Variants in DENND1B observed in about 807,000 individuals in gnomAD.
DENND1B encodes the protein DENN domain-containing protein 1B.
Under a neutral mutation model 90.1 loss-of-function variants are expected in DENND1B, and 59 were observed. The observed-to-expected ratio is 0.65, with a 90% confidence interval of 0.53 to 0.81. The LOEUF (loss-of-function observed/expected upper bound fraction) is 0.81. Ranked by LOEUF, DENND1B falls within the 40% of genes least tolerant of loss-of-function variation. The pLI is 0.00. For missense variants in DENND1B, 862 were observed against 912.6 expected (o/e 0.94, Z 0.71); for synonymous variants, 337 against 324.6 (o/e 1.04, Z -0.41).
chr1:197,739,848 C>T (rs1010846322), intron 2 of DENND1B, among the ~76,000 whole-genome samples: 14 of 152,146 alleles, frequency 9.2e-5, no homozygotes, highest in Non-Finnish European at 1.9e-4. Context: ...ATGATTTCAT[C>T]TTAATAAAAC....
Position 197,658,349 on chromosome 1 carries a change from A to C in DENND1B, c.317T>G (p.Val106Gly). ...AAGAGTATTTAGAAGCTTGTAATAC[A>C]CTTCAAACCAGGGAAGGTAACTGTA... Reference protein sequence around the residue: ...CILSYLPWFEVYYKLLNTLAD... With the variant: ...CILSYLPWFEGYYKLLNTLAD... The change falls in exon 6 of 23, where the codon GTG becomes GGG. Residue 106 changes from valine to glycine, a missense_variant. Val to Gly is a moderately radical substitution (Grantham distance 109). Coordinates refer to ENST00000620048, the MANE Select transcript of DENND1B (RefSeq NM_001195215.2). 6.2e-7 allele frequency: 1 copy of C among 1,606,208 alleles called. No homozygotes were observed. The highest frequency in any genetic ancestry group is 8.5e-7 in the Non-Finnish European group (1 of 1,175,010).
In DENND1B at chr1:197,758,303, T is replaced by C. The variant is rs541424597; in HGVS notation, c.82+14565A>G. Among the ~76,000 whole-genome samples the C allele has an allele frequency of 2.0e-4, 30 of 152,332 alleles. No homozygotes were observed. In the East Asian group the frequency reaches 5.8e-3, roughly 29 times the overall value. On this transcript the variant is annotated intron_variant, in intron 2 of 22. Transcript: ENST00000620048. ...CAATATTAAAGAGGGGACTTGGAAGTTACTATGTGACCTTTCTTTAGCATT... is the reference window on the plus strand; with the variant it reads ...CAATATTAAAGAGGGGACTTGGAAGCTACTATGTGACCTTTCTTTAGCATT...
At chr1:197,735,317 GTGGT>G in intron 2 of DENND1B, 2 of 1,256,570 alleles carry the variant, frequency 1.6e-6, no homozygotes, top group Non-Finnish European at 2.0e-6. Flanking sequence ...TCTGCTTCAA[GTGGT>G]TTTATTTCCT....
chr1:197,707,922 C>A (rs1208704022), intron 3 of DENND1B, among the ~76,000 whole-genome samples: 7 of 151,564 alleles, frequency 4.6e-5, no homozygotes, highest in African/African-American at 1.7e-4. Flanking sequence ...CTGGGAAGCG[C>A]AAGGGGTCAG....
intron 10 of DENND1B, among the ~76,000 whole-genome samples, chr1:197,638,296 T>C (rs1679966399): frequency 6.6e-6 from 1 of 152,216 alleles, no homozygotes; most frequent in Non-Finnish European, 1.5e-5. Flanking sequence ...GTAACTAATA[T>C]GCTTATAGAC....
Position 197,651,812 on chromosome 1 carries a change from C to A in DENND1B, c.447+423G>T, listed in dbSNP as rs981229340. ...CTGGGACTACAGGCGCCTGCCACCA[C>A]GCCCGGCTAATTTTTTGTATTTTTA... On this transcript the variant is annotated intron_variant, in intron 7 of 22. Transcript: ENST00000620048. Among the ~76,000 whole-genome samples, 3 of 151,596 alleles carry A rather than the reference C, an allele frequency of 2.0e-5. No individual in the cohort carries two copies. In the East Asian group the frequency reaches 5.8e-4, roughly 29 times the overall value.
At chr1:197,704,300 T>G (rs1659316407) in intron 3 of DENND1B, among the ~76,000 whole-genome samples, 1 of 152,198 alleles carries the variant, frequency 6.6e-6, no homozygotes, top group Non-Finnish European at 1.5e-5. Context: ...CAATCTCTTT[T>G]TTCCCTCACA....
At position 197,770,020 on chromosome 1, in the gene DENND1B, ATT is replaced by A. The variant is rs537329447; in HGVS notation, c.82+2846_82+2847del. On this transcript the variant is annotated intron_variant, in intron 2 of 22. Coordinates refer to ENST00000620048, the MANE Select transcript of DENND1B (RefSeq NM_001195215.2). ...TATTATTTATAGCTACTAATTTATC[ATT>A]TGTTATTTATTATAGTTACTGATTA... 4.8e-3 allele frequency among the ~76,000 whole-genome samples: 733 copies of A among 152,222 alleles called. 7 individuals carry two copies. Among genetic ancestry groups the A allele is most frequent in the African/African-American group, 0.016 (675 of 41,566 alleles).
At chr1:197,560,919 A>G (rs1571878607) in intron 15 of DENND1B, among the ~76,000 whole-genome samples, 1 of 151,914 alleles carries the variant, frequency 6.6e-6, no homozygotes. Context: ...TAAAAGAGAA[A>G]TTCTACAAGC....
At chr1:197,666,812 C>T (rs1654978888) in intron 5 of DENND1B, among the ~76,000 whole-genome samples, 1 of 152,198 alleles carries the variant, frequency 6.6e-6, no homozygotes, top group Admixed American at 6.5e-5. Flanking sequence ...ATCCTACCTT[C>T]CTTTTCCCCC....
chr1:197,613,903 G>T (rs909622087), intron 11 of DENND1B, among the ~76,000 whole-genome samples: 3 of 150,956 alleles, frequency 2.0e-5, no homozygotes, highest in Admixed American at 6.6e-5. Context: ...TTTTAAAATA[G>T]GTAAGCCTTC....
intron 2 of DENND1B, among the ~76,000 whole-genome samples, chr1:197,752,792 G>A (rs757328445): frequency 4.6e-5 from 7 of 151,264 alleles, no homozygotes; most frequent in African/African-American, 9.8e-5. Flanking sequence ...CCCCCTCCCC[G>A]ACCCCACGAC....
intron 2 of DENND1B, chr1:197,747,379 A>G: frequency 2.0e-6 from 1 of 491,086 alleles, no homozygotes; most frequent in Non-Finnish European, 3.8e-6. Context: ...GAGTTCTGCA[A>G]TGTAGCTTCA....
At chr1:197,642,039 T>C (rs1680314257) in intron 10 of DENND1B, among the ~76,000 whole-genome samples, 1 of 152,076 alleles carries the variant, frequency 6.6e-6, no homozygotes. Flanking sequence ...AAATATTAAA[T>C]TTTTGAAGCT....
chr1:197,545,069 G>T (rs10801612), intron 18 of DENND1B, among the ~76,000 whole-genome samples: 5,936 of 130,376 alleles, frequency 0.046, 514 homozygotes, highest in African/African-American at 0.15. Flanking sequence ...AGAAGAAGAA[G>T]AATTCCAAGA....
rs1653365210 is a variant in DENND1B at position 197,750,613 on chromosome 1, A to ATAGATAGATAG, written c.82+22254_82+22255insCTATCTATCTA. 3.6e-5 allele frequency among the ~76,000 whole-genome samples: 4 copies of ATAGATAGATAG among 111,002 alleles called. No homozygotes were observed. The East Asian group carries it at 8.5e-4, about 23-fold the overall frequency. 72.8% of individuals were successfully genotyped at this position (111,002 alleles called of 152,430 possible). ...AGATAGATAGATAGATAGATAGATAAAGATATAGACATAGTTTAGACATAA... is the reference window on the plus strand; with the variant it reads ...AGATAGATAGATAGATAGATAGATAATAGATAGATAGAGATATAGACATAGTTTAGACATAA... On this transcript the variant is annotated intron_variant, in intron 2 of 22. Transcript: ENST00000620048.
intron 3 of DENND1B, among the ~76,000 whole-genome samples, chr1:197,708,232 C>A (rs1558428949): frequency 3.0e-5 from 2 of 66,318 alleles, no homozygotes; most frequent in Non-Finnish European, 6.0e-5. Flanking sequence ...CACCACAGCT[C>A]AAGGAGGCCT....
At chr1:197,683,442 T>C (rs1451667787) in intron 3 of DENND1B, among the ~76,000 whole-genome samples, 3 of 151,920 alleles carry the variant, frequency 2.0e-5, no homozygotes, top group Non-Finnish European at 4.4e-5. Context: ...TTACAGTAAT[T>C]GAAGTGTATG....
chr1:197,684,646 T>C (rs906301984), intron 3 of DENND1B, among the ~76,000 whole-genome samples: 2 of 152,186 alleles, frequency 1.3e-5, no homozygotes, highest in African/African-American at 2.4e-5. Flanking sequence ...CTTGAAATTA[T>C]ACCGTGAGGC....
Sources: gnomAD v4.1 joint callset for allele counts (sites outside exome capture counted in the v4.1 genomes callset) on GRCh38, gnomAD v4.1.1 for gene constraint, MANE v1.5 for transcripts, NCBI Gene and HGNC (gene_info 2026-07-23, HGNC 2026-07-21) for gene names.